Variants in CD82 observed in about 807,000 individuals in gnomAD.
CD82 encodes the protein CD82 antigen.
In CD82, 36 loss-of-function variants were observed where a neutral mutation model predicts 37.4. That is an observed-to-expected ratio of 0.96 (90% CI 0.74 to 1.27). CD82 has a LOEUF of 1.27. CD82 is among the 50% of genes most tolerant of loss of function. CD82 has a pLI of 0.00. For synonymous variants in CD82, 158 were observed against 137.4 expected, an observed-to-expected ratio of 1.15 and a Z score of -1.05; for missense variants, 340 against 347.0, an observed-to-expected ratio of 0.98 and a Z score of 0.16.
rs187024688 is a variant in CD82 at position 44,596,951 on chromosome 11, T to A, written c.63+2226T>A. On this transcript the variant is annotated intron_variant, in intron 3 of 9. Coordinates refer to ENST00000227155, the MANE Select transcript of CD82 (RefSeq NM_002231.4). ...AGGCTCTTCGGAAAGCAGATGAGGC[T>A]CTTGGCCTGGTCATGGAGGTCAGCA... The A allele has an allele frequency of 5.3e-5, 24 of 456,190 alleles. No homozygotes were observed. The East Asian group carries it at 1.7e-3, about 32-fold the overall frequency. 28.3% of individuals were successfully genotyped at this position (456,190 alleles called of 1,614,324 possible). A position where few individuals can be genotyped will look rare whatever the true frequency, so the allele number is the denominator to read the frequency against.
intron 1 of CD82, chr11:44,566,292 CT>C (rs1852734126): frequency 6.6e-6 from 1 of 152,308 alleles, no homozygotes; most frequent in Non-Finnish European, 1.5e-5. Context: ...GCCGGACCCC[CT>C]AAGACTTCAA....
intron 4 of CD82, 70 bp downstream of exon 4, chr11:44,600,300 G>C (rs1853289551): frequency 7.0e-7 from 1 of 1,419,908 alleles, no homozygotes; most frequent in Non-Finnish European, 9.9e-7. Context: ...AGATACAGCT[G>C]CTCCCATAAG....
intron 1 of CD82, among the ~76,000 whole-genome samples, chr11:44,570,331 C>T (rs1392841297): frequency 1.3e-5 from 2 of 152,192 alleles, no homozygotes; most frequent in Non-Finnish European, 2.9e-5. Context: ...CTCCTCTGTG[C>T]TTGTCTACAC....
chr11:44,587,630 C>T (rs753617449), intron 2 of CD82, 74 bp downstream of exon 2: 71 of 454,492 alleles, frequency 1.6e-4, no homozygotes, highest in Middle Eastern at 3.6e-4. Context: ...AGGTGGAGAC[C>T]GAGCATGGCC....
At chr11:44,615,882 A>G (rs1853556858) in intron 7 of CD82, among the ~76,000 whole-genome samples, 1 of 152,210 alleles carries the variant, frequency 6.6e-6, no homozygotes, top group Non-Finnish European at 1.5e-5. Context: ...GTTCATGTGT[A>G]TTATACCTCC....
At chr11:44,606,512 T>G (rs1565092315) in intron 6 of CD82, 1 of 150,588 alleles carries the variant, frequency 6.6e-6, no homozygotes, top group Non-Finnish European at 1.5e-5. Flanking sequence ...TTCCCCAGAC[T>G]GGGTTACAAA....
At chr11:44,606,667 C>G (rs1853401358) in intron 6 of CD82, 1 of 152,230 alleles carries the variant, frequency 6.6e-6, no homozygotes, top group Non-Finnish European at 1.5e-5. Flanking sequence ...TAAGAAGCAC[C>G]TACTGTGTGC....
In CD82 at chr11:44,571,052, T is replaced by C. The variant is rs116520029; in HGVS notation, c.-103+5316T>C. On this transcript the variant is annotated intron_variant, in intron 1 of 9. Coordinates refer to ENST00000227155, the MANE Select transcript of CD82 (RefSeq NM_002231.4). ...CACCCCGCAACTTGACTTTCCCTGC[T>C]GTGTGGAAGGGTGATCTGGTGTGGG... Among the ~76,000 whole-genome samples, 1,497 of 152,266 alleles carry C rather than the reference T, an allele frequency of 9.8e-3. 20 individuals are homozygous for C. The highest frequency in any genetic ancestry group is 0.034 in the African/African-American group (1,429 of 41,518).
intron 6 of CD82, chr11:44,608,044 A>AT (rs1210399318): frequency 6.6e-6 from 1 of 152,040 alleles, no homozygotes; most frequent in Non-Finnish European, 1.5e-5. Flanking sequence ...GCAGGGGGAA[A>AT]TTTTCTGGCT....
At chr11:44,571,848 G>T (rs1010474024) in intron 1 of CD82, among the ~76,000 whole-genome samples, 1 of 152,204 alleles carries the variant, frequency 6.6e-6, no homozygotes, top group Non-Finnish European at 1.5e-5. Context: ...GGGATTACAG[G>T]CATGATCTAC....
chr11:44,591,669 T>C (rs1853146999), intron 2 of CD82, among the ~76,000 whole-genome samples: 1 of 152,184 alleles, frequency 6.6e-6, no homozygotes, highest in African/African-American at 2.4e-5. Context: ...TTACTGAACC[T>C]GTCTGAGCCT....
chr11:44,609,065 G>A (rs569684152), intron 6 of CD82, among the ~76,000 whole-genome samples: 1 of 152,272 alleles, frequency 6.6e-6, no homozygotes, highest in Non-Finnish European at 1.5e-5. Context: ...TGTCAGCAGA[G>A]CAAGGGCTGC....
chr11:44,615,685 G>A (rs1853554580), intron 7 of CD82, among the ~76,000 whole-genome samples: 1 of 152,170 alleles, frequency 6.6e-6, no homozygotes, highest in Non-Finnish European at 1.5e-5. Context: ...TGGGTTTTAG[G>A]AAACTGGGAG....
chr11:44,617,019 C>T (rs188497677), intron 7 of CD82, among the ~76,000 whole-genome samples: 164 of 152,266 alleles, frequency 1.1e-3, no homozygotes, highest in African/African-American at 3.9e-3. Context: ...CTGCCTGGAG[C>T]TGAGCATTTC....
chr11:44,581,020 C>A (rs912413542), intron 1 of CD82, among the ~76,000 whole-genome samples: 7 of 152,198 alleles, frequency 4.6e-5, no homozygotes, highest in Admixed American at 4.6e-4. Context: ...AGGGCCCACA[C>A]CCTTTTGTTA....
intron 1 of CD82, among the ~76,000 whole-genome samples, chr11:44,576,446 C>T (rs1313501598): frequency 6.6e-6 from 1 of 152,188 alleles, no homozygotes; most frequent in Non-Finnish European, 1.5e-5. Context: ...TGATTTCAAA[C>T]TCAAGGCTGG....
At chr11:44,565,437 C>T (rs75333641), upstream of CD82, among the ~76,000 whole-genome samples, 274 of 151,588 alleles carry the variant, frequency 1.8e-3, 1 homozygote, top group African/African-American at 6.4e-3. Context: ...GGAGAGACTC[C>T]GTAGCGGGGC....
At chr11:44,586,815 CT>C (rs1565084505) in intron 1 of CD82, among the ~76,000 whole-genome samples, 1 of 152,220 alleles carries the variant, frequency 6.6e-6, no homozygotes, top group Non-Finnish European at 1.5e-5. Context: ...CCTCCCTTTT[CT>C]CTCCTGCTTC....
intron 1 of CD82, among the ~76,000 whole-genome samples, chr11:44,566,809 G>C (rs959401132): frequency 1.3e-5 from 2 of 151,906 alleles, no homozygotes; most frequent in Non-Finnish European, 2.9e-5. Context: ...TTTTTTCTTG[G>C]AGAGATGGGG....
Sources: gnomAD v4.1 joint callset for allele counts (sites outside exome capture counted in the v4.1 genomes callset) on GRCh38, gnomAD v4.1.1 for gene constraint, MANE v1.5 for transcripts, NCBI Gene and HGNC (gene_info 2026-07-23, HGNC 2026-07-21) for gene names.